The following ZDHHC17 variants were observed in gnomAD, a reference collection of about 807,000 sequenced individuals.
ZDHHC17 encodes zDHHC palmitoyltransferase 17.
Under a neutral mutation model 90.3 loss-of-function variants are expected in ZDHHC17, and 40 were observed. The ratio of observed to expected loss-of-function variants is 0.44; its 90% CI spans 0.34 to 0.58. The LOEUF (loss-of-function observed/expected upper bound fraction) is 0.58, where lower values mean the gene tolerates loss of function less well. ZDHHC17 is among the 20% of genes least tolerant of loss of function. ZDHHC17 has a pLI of 0.01. For synonymous variants in ZDHHC17, 235 were observed against 252.4 expected, an observed-to-expected ratio of 0.93 and a Z score of 0.65; for missense variants, 614 against 780.8, an observed-to-expected ratio of 0.79 and a Z score of 2.55.
In ZDHHC17 at chr12:76,849,441, CACA is replaced by C. The variant is rs746408368; in HGVS notation, c.1737_1739del (p.Thr580del). 1 of 1,552,594 alleles carries C rather than the reference CACA, an allele frequency of 6.4e-7. No individual in the cohort carries two copies. Among genetic ancestry groups the C allele is most frequent in the South Asian group, 1.2e-5 (1 of 82,856 alleles). The stretch of plus-strand genomic sequence containing the variant: ...CCAGGAGATACAAGCACTTTAAAGT[CACA>C]ACAACGTCTATTGAAAGCCCATTCA... On this transcript the variant is annotated inframe_deletion, in exon 16 of 17. Coordinates refer to ENST00000426126, the MANE Select transcript of ZDHHC17 (RefSeq NM_015336.4).
chr12:76,797,708 C>T (rs560806827), intron 2 of ZDHHC17, among the ~76,000 whole-genome samples, 171 bp downstream of exon 2: 7 of 152,020 alleles, frequency 4.6e-5, no homozygotes, highest in Non-Finnish European at 7.4e-5. Context: ...TTTGCAAGGC[C>T]GAGGAGGGTG....
At chr12:76,789,607 G>T (rs759458184) in intron 1 of ZDHHC17, among the ~76,000 whole-genome samples, 1 of 151,868 alleles carries the variant, frequency 6.6e-6, no homozygotes, top group Admixed American at 6.6e-5. Context: ...AATGTAAAAG[G>T]AAAGAATATT....
chr12:76,820,081 G>C (rs1020405268), intron 7 of ZDHHC17, among the ~76,000 whole-genome samples: 1 of 151,750 alleles, frequency 6.6e-6, no homozygotes, highest in African/African-American at 2.4e-5. Context: ...ATCAGGAATA[G>C]CTGTATACCC....
chr12:76,828,143 G>A (rs544182747), intron 9 of ZDHHC17, among the ~76,000 whole-genome samples: 1 of 152,114 alleles, frequency 6.6e-6, no homozygotes, highest in African/African-American at 2.4e-5. Context: ...CTAAAATTCT[G>A]AAACTGAAAA....
rs779996508 is a variant in ZDHHC17 at position 76,764,253 on chromosome 12, G to T, written c.17G>T (p.Gly6Val). Reference protein sequence around the residue: MQREEGFNTKMADGPD... With the variant: MQREEVFNTKMADGPD... Reference sequence around the variant, plus strand: ...TCTCCCAGCATGCAGCGGGAGGAGGGATTTAACACCAAGATGGCGGACGGC... The same window carrying T: ...TCTCCCAGCATGCAGCGGGAGGAGGTATTTAACACCAAGATGGCGGACGGC... The change falls in exon 1 of 17, where the codon GGA becomes GTA. Residue 6 changes from glycine to valine, a missense_variant. By Grantham distance (109) the Gly-to-Val change is moderately radical. Around this residue, in one of 5 missense-constraint regions of ZDHHC17, gnomAD observed 358 missense variants for 380.4 expected, o/e 0.94. Coordinates refer to ENST00000426126, the MANE Select transcript of ZDHHC17 (RefSeq NM_015336.4). 6.2e-7 allele frequency: 1 copy of T among 1,604,908 alleles called. No individual in the cohort carries two copies. The highest frequency in any genetic ancestry group is 8.5e-7 in the Non-Finnish European group (1 of 1,175,906).
At chr12:76,828,517 C>A in intron 10 of ZDHHC17, 27 bp downstream of exon 10, 2 of 1,595,856 alleles carry the variant, frequency 1.3e-6, no homozygotes, top group South Asian at 1.1e-5. Flanking sequence ...AAGATCATAC[C>A]AAAAACAAAT....
At chr12:76,779,577 A>G (rs1043064835) in intron 1 of ZDHHC17, among the ~76,000 whole-genome samples, 1 of 152,212 alleles carries the variant, frequency 6.6e-6, no homozygotes, top group Admixed American at 6.5e-5. Context: ...ACACGTGGGA[A>G]TTATGGGAAC....
At chr12:76,827,886 T>G (rs1953248555) in intron 9 of ZDHHC17, among the ~76,000 whole-genome samples, 1 of 152,130 alleles carries the variant, frequency 6.6e-6, no homozygotes, top group Non-Finnish European at 1.5e-5. Context: ...TTCCCCAATT[T>G]TAAGTATTAA....
At chr12:76,846,282 T>C (rs1953494100) in intron 13 of ZDHHC17, 3 of 290,984 alleles carry the variant, frequency 1.0e-5, no homozygotes, top group Non-Finnish European at 1.9e-5. Flanking sequence ...GATTGTAAAG[T>C]TTATAAAAGT....
intron 12 of ZDHHC17, chr12:76,845,242 A>C (rs1386764217): frequency 6.6e-6 from 1 of 152,180 alleles, no homozygotes; most frequent in East Asian, 1.9e-4. Context: ...ATGATTTTGA[A>C]TTTTAAGAGC....
At chr12:76,838,610 TC>T (rs1241340694) in intron 10 of ZDHHC17, among the ~76,000 whole-genome samples, 2 of 152,184 alleles carry the variant, frequency 1.3e-5, no homozygotes, top group Non-Finnish European at 2.9e-5. Context: ...TGAAAGTTTT[TC>T]CTGAGGTTTT....
At position 76,842,100 on chromosome 12, in the gene ZDHHC17, GA is replaced by G; in HGVS notation, c.1265del (p.Lys422ArgfsTer3). 4 of 1,571,526 alleles carry G rather than the reference GA, an allele frequency of 2.5e-6. No homozygotes were observed. The highest frequency in any genetic ancestry group is 1.4e-5 in the African/African-American group (1 of 72,236). Reference protein sequence around the residue: ...GIIKATEEQKKKTIVELAETG... With the variant: ...GIIKATEEQKXKTIVELAETG... Reference sequence around the variant, plus strand: ...TTATTAAAGCAACAGAAGAGCAAAAGAAAAAGGTAGCAAAATACCAACTAAG... The same window carrying G: ...TTATTAAAGCAACAGAAGAGCAAAAGAAAAGGTAGCAAAATACCAACTAAG... On this transcript the variant is annotated frameshift_variant, in exon 11 of 17. Coordinates refer to ENST00000426126, the MANE Select transcript of ZDHHC17 (RefSeq NM_015336.4). LOFTEE classifies it high-confidence loss of function.
In ZDHHC17 at chr12:76,797,941, C is replaced by CCACACACACACACACACA. The variant is rs60610921; in HGVS notation, c.197+424_197+441dup. 4.7e-4 allele frequency among the ~76,000 whole-genome samples: 69 copies of CCACACACACACACACACA among 147,476 alleles called. 1 individual carries two copies. Among genetic ancestry groups the CCACACACACACACACACA allele is most frequent in the Non-Finnish European group, 5.4e-4 (36 of 66,760 alleles). Reference sequence around the variant, plus strand: ...CCTAGGCAACAAGAGTGAAACTCTGCCACACACACACACACACACACACAC... The same window carrying CCACACACACACACACACA: ...CCTAGGCAACAAGAGTGAAACTCTGCCACACACACACACACACACACACACACACACACACACACACAC... On this transcript the variant is annotated intron_variant, in intron 2 of 16. Transcript: ENST00000426126.
At chr12:76,848,183 G>A (rs1441617979) in intron 14 of ZDHHC17, 50 bp from the exon 15 acceptor site, 3 of 1,599,510 alleles carry the variant, frequency 1.9e-6, no homozygotes, top group Admixed American at 1.7e-5. Context: ...CCTATATGAG[G>A]TGCTTGGATG....
intron 10 of ZDHHC17, among the ~76,000 whole-genome samples, chr12:76,832,807 A>C (rs1953320052): frequency 6.6e-6 from 1 of 152,238 alleles, no homozygotes; most frequent in Non-Finnish European, 1.5e-5. Context: ...TAGACCATGT[A>C]AAGGACACTT....
At chr12:76,844,257 ATAT>A (rs1953468174) in intron 12 of ZDHHC17, 1 of 152,154 alleles carries the variant, frequency 6.6e-6, no homozygotes, top group Admixed American at 6.6e-5. Flanking sequence ...GTTTTATTAT[ATAT>A]TATTTATAAG....
chr12:76,776,160 C>T (rs574393939), intron 1 of ZDHHC17, among the ~76,000 whole-genome samples: 6 of 152,194 alleles, frequency 3.9e-5, no homozygotes, highest in African/African-American at 9.6e-5. Context: ...TCTAGCATAG[C>T]AGACCATATA....
At chr12:76,826,010 G>A (rs1171322577) in intron 8 of ZDHHC17, among the ~76,000 whole-genome samples, 1 of 152,098 alleles carries the variant, frequency 6.6e-6, no homozygotes, top group Non-Finnish European at 1.5e-5. Flanking sequence ...GTAGAGACAT[G>A]TTTTTGCCAT....
intron 1 of ZDHHC17, among the ~76,000 whole-genome samples, chr12:76,786,424 T>G (rs1190342378): frequency 1.3e-5 from 2 of 152,162 alleles, no homozygotes; most frequent in Non-Finnish European, 2.9e-5. Flanking sequence ...GCCTGGCTAA[T>G]TTTTGTATTT....
Sources: allele counts gnomAD v4.1 joint callset (sites outside exome capture counted in the v4.1 genomes callset), GRCh38; gene constraint gnomAD v4.1.1; regional missense constraint gnomAD v4.1.1; transcripts MANE v1.5; gene names NCBI Gene and HGNC (gene_info 2026-07-23, HGNC 2026-07-21).